VSIR: variants seen among roughly 807,000 people sequenced by gnomAD.
VSIR encodes V-type immunoglobulin domain-containing suppressor of T-cell activation.
A neutral mutation model predicts 31.0 loss-of-function variants in VSIR; 10 were observed. That is an observed-to-expected ratio of 0.32 (90% confidence interval 0.20 to 0.55). The LOEUF (loss-of-function observed/expected upper bound fraction) is 0.55, where lower values mean the gene tolerates loss of function less well. Ranked by LOEUF, VSIR falls within the 20% of genes least tolerant of loss-of-function variation. The pLI, the probability that VSIR is intolerant of heterozygous loss-of-function variation, is 0.93. For missense variants in VSIR, 356 were observed against 416.2 expected (o/e 0.86, Z 1.26); for synonymous variants, 179 against 180.1 (o/e 0.99, Z 0.05).
intron 1 of VSIR, among the ~76,000 whole-genome samples, chr10:71,762,421 C>T (rs937215164): frequency 6.6e-6 from 1 of 152,258 alleles, no homozygotes; most frequent in African/African-American, 2.4e-5. Context: ...GCCATCAACA[C>T]CTCTGCCCCT....
In VSIR at chr10:71,760,117, G is replaced by A. The variant is rs144629427; in HGVS notation, c.568+751C>T. ...TACACACACACATACATACATATAT[G>A]TGTGTATATATATGTATATACATAT... On this transcript the variant is annotated intron_variant, in intron 3 of 6. Coordinates refer to ENST00000394957, the MANE Select transcript of VSIR (RefSeq NM_022153.2). Among the ~76,000 whole-genome samples the A allele has an allele frequency of 3.2e-4, 17 of 53,056 alleles. 5 individuals carry two copies. Among genetic ancestry groups the A allele is most frequent in the South Asian group, 1.8e-3 (3 of 1,656 alleles). 34.8% of individuals were successfully genotyped at this position (53,056 alleles called of 152,430 possible). A position where few individuals can be genotyped will look rare whatever the true frequency, so the allele number is the denominator to read the frequency against.
At chr10:71,753,706 C>T (rs1429813836) in intron 4 of VSIR, 1 of 455,034 alleles carries the variant, frequency 2.2e-6, no homozygotes, top group African/African-American at 2.0e-5. Flanking sequence ...TCATGCAGCA[C>T]CCCATGTCCT....
At chr10:71,765,807 T>C (rs1840526525) in intron 1 of VSIR, among the ~76,000 whole-genome samples, 1 of 152,006 alleles carries the variant, frequency 6.6e-6, no homozygotes, top group African/African-American at 2.4e-5. Context: ...GGATTCAAGT[T>C]TGGGGAGCAG....
intron 4 of VSIR, chr10:71,753,759 C>T (rs751934084): frequency 6.6e-6 from 3 of 456,278 alleles, no homozygotes; most frequent in Admixed American, 2.3e-5. Context: ...CTGCTGATTA[C>T]GATGGGGAAA....
At chr10:71,757,326 C>G (rs972020021) in intron 3 of VSIR, among the ~76,000 whole-genome samples, 2 of 152,214 alleles carry the variant, frequency 1.3e-5, no homozygotes, top group African/African-American at 4.8e-5. Context: ...GAGATTTCCC[C>G]TATGTGGACC....
chr10:71,769,110 G>A (rs1840627305), intron 1 of VSIR, among the ~76,000 whole-genome samples: 1 of 152,112 alleles, frequency 6.6e-6, no homozygotes. Context: ...TTTTACTTTT[G>A]GTTTTACATT....
At chr10:71,755,023 AG>A in intron 4 of VSIR, 1 of 495,736 alleles carries the variant, frequency 2.0e-6, no homozygotes. Context: ...TACCTTAAAC[AG>A]GTCCCCCAAG....
chr10:71,762,130 GC>G, intron 1 of VSIR, 104 bp from the exon 2 acceptor site: 1 of 1,328,656 alleles, frequency 7.5e-7, no homozygotes, highest in Non-Finnish European at 1.0e-6. Flanking sequence ...CCAGCCACAG[GC>G]CAGGGGCATG....
At chr10:71,753,347 A>G (rs2132868509) in intron 4 of VSIR, among the ~76,000 whole-genome samples, 1 of 152,370 alleles carries the variant, frequency 6.6e-6, no homozygotes, top group East Asian at 1.9e-4. Context: ...TCAGGATTTA[A>G]GTATCGAGCA....
chr10:71,759,998 CATACAT>C (rs1395169120), intron 3 of VSIR, among the ~76,000 whole-genome samples: 908 of 49,478 alleles, frequency 0.018, 126 homozygotes, highest in Non-Finnish European at 0.033. Flanking sequence ...TACACACACA[CATACAT>C]ATATATACAC....
At position 71,751,326 on chromosome 10, in the gene VSIR, C is replaced by T. The variant is rs765365370; in HGVS notation, c.899-36G>A. 5 of 1,598,886 alleles carry T rather than the reference C, an allele frequency of 3.1e-6. No individual in the cohort carries two copies. Among genetic ancestry groups the T allele is most frequent in the Middle Eastern group, 1.7e-4 (1 of 5,858 alleles). ...AGGAGAAGCAAAGTGAACGGGGCCC[C>T]TCTGCCCCTCACCCTCAACCCCACC... On this transcript the variant is annotated intron_variant, in intron 6 of 6. Transcript: ENST00000394957. The surrounding 1 kb of genome is among the most constrained non-coding windows in gnomAD (Gnocchi z 4.9).
intron 1 of VSIR, among the ~76,000 whole-genome samples, chr10:71,764,728 G>A (rs1280050119): frequency 6.6e-6 from 1 of 152,212 alleles, no homozygotes; most frequent in Non-Finnish European, 1.5e-5. Flanking sequence ...TCTTGGTCCT[G>A]TGGACATTTG....
intron 4 of VSIR, chr10:71,753,936 G>A (rs1189114111): frequency 6.6e-6 from 3 of 453,178 alleles, no homozygotes; most frequent in African/African-American, 2.0e-5. Flanking sequence ...CCACCCTTTG[G>A]GGTGAGGGTT....
chr10:71,755,291 G>T, intron 4 of VSIR, 68 bp downstream of exon 4: 1 of 1,397,346 alleles, frequency 7.2e-7, no homozygotes, highest in Non-Finnish European at 9.9e-7. Context: ...GAATCCCAGG[G>T]GCTGAACTGG....
intron 3 of VSIR, 57 bp from the exon 4 acceptor site, chr10:71,755,523 CATAAA>C: frequency 1.3e-6 from 2 of 1,501,052 alleles, no homozygotes; most frequent in Non-Finnish European, 1.8e-6. Context: ...TCCTCCTGAG[CATAAA>C]CTGAGGCTCA....
intron 1 of VSIR, among the ~76,000 whole-genome samples, chr10:71,765,041 T>A (rs1157995711): frequency 6.6e-6 from 1 of 152,180 alleles, no homozygotes; most frequent in Non-Finnish European, 1.5e-5. Context: ...TGCAAAACTA[T>A]GGCTCTGCCG....
chr10:71,756,655 CAGG>C (rs1271992432), intron 3 of VSIR, among the ~76,000 whole-genome samples: 3 of 152,208 alleles, frequency 2.0e-5, no homozygotes, highest in African/African-American at 7.2e-5. Context: ...CTGCTGACTG[CAGG>C]AGTTTAGCTG....
intron 4 of VSIR, chr10:71,753,733 G>A (rs952577104): frequency 9.4e-5 from 43 of 456,120 alleles, no homozygotes; most frequent in African/African-American, 2.4e-4. Flanking sequence ...GATGCTTCTC[G>A]TTTTAAGGAG....
At position 71,762,003 on chromosome 10, in the gene VSIR, C is replaced by T. The variant is rs1466317019; in HGVS notation, c.106G>A (p.Ala36Thr). ...CAGACATACAGGGAATACGGCGTGGCGACCTTGAAGGCTGCCACCGGACCT... is the reference window on the plus strand; with the variant it reads ...CAGACATACAGGGAATACGGCGTGGTGACCTTGAAGGCTGCCACCGGACCT... Reference protein sequence around the residue: ...SLGPVAAFKVATPYSLYVCPE... With the variant: ...SLGPVAAFKVTTPYSLYVCPE... Residue 36 changes from alanine (A) to threonine (T), a missense_variant, in exon 2 of 7, where the codon GCC (alanine) becomes ACC (threonine). Transcript: ENST00000394957. 1.4e-5 allele frequency: 22 copies of T among 1,607,414 alleles called. No homozygotes were observed. Among genetic ancestry groups the T allele is most frequent in the Admixed American group, 6.7e-5 (4 of 59,780 alleles).
Sources: allele counts gnomAD v4.1 joint callset (sites outside exome capture counted in the v4.1 genomes callset), GRCh38; gene constraint gnomAD v4.1.1; non-coding constraint Gnocchi (gnomAD v3.1); transcripts MANE v1.5; gene names NCBI Gene and HGNC (gene_info 2026-07-23, HGNC 2026-07-21).